STK33: variants seen among roughly 807,000 people sequenced by gnomAD.
The protein encoded by STK33 is serine/threonine kinase 33, also known as serine/threonine-protein kinase 33.
A neutral mutation model predicts 58.0 loss-of-function variants in STK33; 52 were observed. That is an observed-to-expected ratio of 0.90 (90% CI 0.72 to 1.13). The LOEUF is 1.13. Among genes scored for constraint, STK33 ranks in the 50% most tolerant of loss-of-function variants. The pLI, the probability that STK33 is intolerant of heterozygous loss-of-function variation, is 0.00. For missense variants in STK33, 630 were observed against 604.2 expected (o/e 1.04, Z -0.45); for synonymous variants, 215 against 200.1 (o/e 1.07, Z -0.63).
chr11:8,566,976 T>C (rs1957491712), intron 1 of STK33, among the ~76,000 whole-genome samples: 2 of 151,928 alleles, frequency 1.3e-5, no homozygotes, highest in African/African-American at 2.4e-5. Context: ...CCAACTCTAC[T>C]GAAAATACTA....
At chr11:8,439,869 T>TTATATATATATATATATATCTATATATA (rs551629890) in intron 12 of STK33, among the ~76,000 whole-genome samples, 1 of 107,274 alleles carries the variant, frequency 9.3e-6, no homozygotes, top group Non-Finnish European at 1.9e-5. Context: ...TATATTATAA[T>TTATATATATATATATATATCTATATATA]TATATATATA....
Position 8,392,389 on chromosome 11 carries a change from G to A in STK33, c.*121C>T, listed in dbSNP as rs1020257168. 154 of 1,122,592 alleles carry A rather than the reference G, an allele frequency of 1.4e-4. No homozygotes were observed. The highest frequency in any genetic ancestry group is 3.4e-5 in the Non-Finnish European group (26 of 769,376). 69.5% of individuals were successfully genotyped at this position (1,122,592 alleles called of 1,614,324 possible). A position where few individuals can be genotyped will look rare whatever the true frequency, so the allele number is the denominator to read the frequency against. On this transcript the variant is annotated 3_prime_UTR_variant, in exon 16 of 16. Coordinates refer to ENST00000687296, the MANE Select transcript of STK33 (RefSeq NM_001352389.2). Reference sequence around the variant, plus strand: ...TAAGCTGGTGCAAACACATGGCGGGGCTCTGTGGAGCTAAAAGGCTACAAG... The same window carrying A: ...TAAGCTGGTGCAAACACATGGCGGGACTCTGTGGAGCTAAAAGGCTACAAG...
rs1299719607 is a variant in STK33, at chr11:8,474,702, ATC to A, written c.202_203del (p.Asp68TyrfsTer39). 1.9e-6 allele frequency: 3 copies of A among 1,609,970 alleles called. No homozygotes were observed. Among genetic ancestry groups the A allele is most frequent in the Non-Finnish European group, 2.5e-6 (3 of 1,178,772 alleles). On this transcript the variant is annotated frameshift_variant, in exon 5 of 16. Coordinates refer to ENST00000687296, the MANE Select transcript of STK33 (RefSeq NM_001352389.2). LOFTEE classifies it high-confidence loss of function. The part of the protein sequence containing the change: ...ERKKEKNINR[D>X]ITSRKDLPSR... ...TTACCAAATCTTTCCTGGAGGTTAT[ATC>A]TCTGTTGATATTTTTTTCTTTTTTT...
At chr11:8,542,866 C>T (rs1276347448) in intron 1 of STK33, among the ~76,000 whole-genome samples, 1 of 152,108 alleles carries the variant, frequency 6.6e-6, no homozygotes, top group Non-Finnish European at 1.5e-5. Context: ...CACACCACCA[C>T]ACCCAGCTAA....
At chr11:8,500,509 T>G (rs1277878326) in intron 1 of STK33, among the ~76,000 whole-genome samples, 1 of 152,114 alleles carries the variant, frequency 6.6e-6, no homozygotes, top group Non-Finnish European at 1.5e-5. Flanking sequence ...ACAGAATAAG[T>G]GCAAGACTTG....
At chr11:8,463,889 C>T (rs898548325) in intron 7 of STK33, among the ~76,000 whole-genome samples, 5 of 152,072 alleles carry the variant, frequency 3.3e-5, no homozygotes, top group Admixed American at 1.3e-4. Context: ...GGATGCTACC[C>T]GAATTCTAAA....
chr11:8,443,850 G>C (rs1945071947), intron 11 of STK33, among the ~76,000 whole-genome samples: 1 of 151,966 alleles, frequency 6.6e-6, no homozygotes, highest in African/African-American at 2.4e-5. Flanking sequence ...ACAGAAAAAA[G>C]TTATCTGGGA....
chr11:8,349,084 C>T, the STK33 span, among the ~76,000 whole-genome samples: 6 of 152,252 alleles, frequency 3.9e-5, no homozygotes, highest in Middle Eastern at 3.4e-3. Context: ...TGCCTCCCAC[C>T]GCCAGCTCCC....
chr11:8,489,176 G>C (rs1247656494), intron 1 of STK33, among the ~76,000 whole-genome samples: 2 of 147,876 alleles, frequency 1.4e-5, no homozygotes, highest in African/African-American at 2.5e-5. Context: ...AGGATTACTT[G>C]AGCTCAGGAG....
At chr11:8,494,955 TA>T (rs1950937593) in intron 1 of STK33, among the ~76,000 whole-genome samples, 1 of 152,160 alleles carries the variant, frequency 6.6e-6, no homozygotes, top group South Asian at 2.1e-4. Context: ...CAAGATGGAT[TA>T]AAGGCTTAAA....
At chr11:8,423,701 GTGTA>G (rs1485541998) in intron 14 of STK33, among the ~76,000 whole-genome samples, 2 of 152,090 alleles carry the variant, frequency 1.3e-5, no homozygotes, top group African/African-American at 4.8e-5. Flanking sequence ...TTAGAGAACT[GTGTA>G]TGTGTCTACT....
chr11:8,356,078 T>C, the STK33 span, among the ~76,000 whole-genome samples: 1 of 152,122 alleles, frequency 6.6e-6, no homozygotes. Context: ...GGTGGGGAGC[T>C]GGGGACGGAG....
chr11:8,567,188 A>T (rs1269662120), intron 1 of STK33: 3 of 152,122 alleles, frequency 2.0e-5, no homozygotes, highest in African/African-American at 7.2e-5. Flanking sequence ...AATAAAATTT[A>T]CTTCTTAAGT....
chr11:8,379,599 A>G, the STK33 span, among the ~76,000 whole-genome samples: 1 of 152,302 alleles, frequency 6.6e-6, no homozygotes, highest in East Asian at 1.9e-4. Flanking sequence ...GAGGTACCAC[A>G]TTACTCTTGA....
chr11:8,544,460 A>G (rs1322273697), intron 1 of STK33, among the ~76,000 whole-genome samples: 1 of 151,014 alleles, frequency 6.6e-6, no homozygotes, highest in Non-Finnish European at 1.5e-5. Context: ...TTGTTTCTCT[A>G]AAGAAAATTA....
At chr11:8,444,461 T>C (rs61570828) in intron 11 of STK33, among the ~76,000 whole-genome samples, 14,437 of 152,186 alleles carry the variant, frequency 0.095, 761 homozygotes, top group Middle Eastern at 0.12. Context: ...TTTTGTTCAC[T>C]GTTGTATTTT....
chr11:8,465,743 A>ACT (rs906763686), intron 6 of STK33: 9 of 151,432 alleles, frequency 5.9e-5, no homozygotes, highest in South Asian at 4.2e-4. Flanking sequence ...TCAAAATGCC[A>ACT]CTCTCTCTCT....
At chr11:8,518,672 A>G (rs542200822) in intron 1 of STK33, among the ~76,000 whole-genome samples, 2 of 152,314 alleles carry the variant, frequency 1.3e-5, no homozygotes, top group East Asian at 3.9e-4. Context: ...GAAAACAAAA[A>G]CAAAGCAGGG....
chr11:8,454,513 A>G (rs1173555242), intron 10 of STK33, among the ~76,000 whole-genome samples: 1 of 152,226 alleles, frequency 6.6e-6, no homozygotes, highest in East Asian at 1.9e-4. Flanking sequence ...CTAATGATTT[A>G]GAATTATTCA....
Sources: allele counts gnomAD v4.1 joint callset (sites outside exome capture counted in the v4.1 genomes callset), GRCh38; gene constraint gnomAD v4.1.1; transcripts MANE v1.5; gene names NCBI Gene and HGNC (gene_info 2026-07-23, HGNC 2026-07-21).